ZNF143: variants seen among roughly 807,000 people sequenced by gnomAD.
The protein encoded by ZNF143 is zinc finger protein 143.
In ZNF143, 49 loss-of-function variants were observed where a neutral mutation model predicts 74.1. The observed-to-expected ratio is 0.66, with a 90% CI of 0.53 to 0.84. The LOEUF is 0.84. ZNF143 is among the 40% of genes least tolerant of loss of function. ZNF143 has a pLI of 0.00. For missense variants in ZNF143, 637 were observed against 793.4 expected, an observed-to-expected ratio of 0.80 and a Z score of 2.37; for synonymous variants, 304 against 282.8, an observed-to-expected ratio of 1.07 and a Z score of -0.75.
chr11:9,503,120 C>T lies in ZNF143; in HGVS notation c.1147+1850C>T, dbSNP rs1243866191. ...TGCTGGGATTACAGACATGAGCCAC[C>T]GCTCCTAGCCTGCATAATGTTTTTG... On this transcript the variant is annotated intron_variant, in intron 11 of 15. Transcript: ENST00000396602. 6.6e-5 allele frequency among the ~76,000 whole-genome samples: 10 copies of T among 152,236 alleles called. No individual in the cohort carries two copies. The East Asian group carries it at 1.4e-3, about 21-fold the overall frequency.
chr11:9,463,134 T>C (rs1019211634), intron 1 of ZNF143, among the ~76,000 whole-genome samples: 37 of 152,236 alleles, frequency 2.4e-4, no homozygotes, highest in African/African-American at 8.7e-4. Flanking sequence ...TATTGCCAAA[T>C]GATATTTCAT....
At chr11:9,495,018 G>C (rs895123976) in intron 8 of ZNF143, among the ~76,000 whole-genome samples, 2 of 152,072 alleles carry the variant, frequency 1.3e-5, no homozygotes, top group Non-Finnish European at 2.9e-5. Flanking sequence ...CACATGGTAG[G>C]TACTCTACAT....
At chr11:9,509,371 C>G (rs1848464532) in intron 12 of ZNF143, among the ~76,000 whole-genome samples, 1 of 152,166 alleles carries the variant, frequency 6.6e-6, no homozygotes, top group Non-Finnish European at 1.5e-5. Flanking sequence ...CCAAATAACT[C>G]TTCATTGATT....
At chr11:9,511,844 C>T (rs1305902308) in intron 12 of ZNF143, among the ~76,000 whole-genome samples, 3 of 150,186 alleles carry the variant, frequency 2.0e-5, no homozygotes, top group African/African-American at 7.4e-5. Context: ...CTCTGCCTCC[C>T]GGGTTCATGC....
At chr11:9,494,905 G>T in intron 8 of ZNF143, 140 bp downstream of exon 8, 1 of 896,808 alleles carries the variant, frequency 1.1e-6, no homozygotes. Flanking sequence ...CTCATACACA[G>T]ACATGTAAAA....
Position 9,486,428 on chromosome 11 carries a change from AT to A in ZNF143, c.645+6884del, listed in dbSNP as rs1565039345. Reference sequence around the variant, plus strand: ...TATATATATAATATATATTATATATATTATATATATAATATATTATATATAT... The same window carrying A: ...TATATATATAATATATATTATATATATATATATATAATATATTATATATAT... On this transcript the variant is annotated intron_variant, in intron 7 of 15. Coordinates refer to ENST00000396602, the MANE Select transcript of ZNF143 (RefSeq NM_003442.6). Among the ~76,000 whole-genome samples, 241 of 47,890 alleles carry A rather than the reference AT, an allele frequency of 5.0e-3. 4 individuals are homozygous for A. The highest frequency in any genetic ancestry group is 7.5e-3 in the Non-Finnish European group (183 of 24,446). The allele number at this position is 47,890 out of a possible 152,430, so 31.4% of individuals were successfully genotyped here.
chr11:9,479,545 A>G lies in ZNF143; in HGVS notation c.644A>G (p.Gln215Arg), dbSNP rs1462533034. The stretch of plus-strand genomic sequence containing the variant: ...GAAAATGAGCAAGAGAAAAAAATGC[A>G]GGTATGTAAAGCTACTTTTTAATAT... ...IGENEQEKKM[Q>R]IVLQGHATRV... The change falls in exon 7 of 16, where the codon CAG becomes CGG. Residue 215 changes from glutamine to arginine, a missense_variant and splice_region_variant. This residue lies in a region of ZNF143 where 293 missense variants were observed against 307.8 expected (regional missense o/e 0.95). Transcript: ENST00000396602. The G allele has an allele frequency of 1.2e-6, 2 of 1,611,216 alleles. No individual in the cohort carries two copies. The highest frequency in any genetic ancestry group is 1.7e-6 in the Non-Finnish European group (2 of 1,178,770).
intron 14 of ZNF143, among the ~76,000 whole-genome samples, chr11:9,523,201 C>T (rs891208104): frequency 2.6e-5 from 4 of 151,782 alleles, no homozygotes; most frequent in African/African-American, 9.7e-5. Flanking sequence ...CGTGTTGTGG[C>T]TGGGTTTTGT....
intron 1 of ZNF143, among the ~76,000 whole-genome samples, chr11:9,461,435 T>A (rs937187787): frequency 6.6e-5 from 10 of 152,136 alleles, no homozygotes; most frequent in African/African-American, 2.2e-4. Flanking sequence ...TTTCTCGGCC[T>A]GACCTCCGCG....
At position 9,508,604 on chromosome 11, in the gene ZNF143, G is replaced by T. The variant is rs1413176003; in HGVS notation, c.1148-15G>T. 6 of 1,596,202 alleles carry T rather than the reference G, an allele frequency of 3.8e-6. No individual in the cohort carries two copies. Among genetic ancestry groups the T allele is most frequent in the Admixed American group, 3.4e-5 (2 of 58,282 alleles). ...ATATGTAAAAGTTGAACTTTTTTTT[G>T]GTGTTGCTCTTTAGGAGAAAAGCCA... On this transcript the variant is annotated splice_polypyrimidine_tract_variant and intron_variant, in intron 11 of 15. Coordinates refer to ENST00000396602, the MANE Select transcript of ZNF143 (RefSeq NM_003442.6).
At chr11:9,488,564 C>T (rs1565041457) in intron 7 of ZNF143, among the ~76,000 whole-genome samples, 1 of 152,176 alleles carries the variant, frequency 6.6e-6, no homozygotes, top group Non-Finnish European at 1.5e-5. Context: ...CACCCCTAGA[C>T]AGCTTGCCCT....
chr11:9,527,456 A>G (rs1459409719), intron 15 of ZNF143, 74 bp from the exon 16 acceptor site: 3 of 1,395,852 alleles, frequency 2.1e-6, no homozygotes, highest in East Asian at 4.6e-5. Context: ...CTTCTGGCAT[A>G]TAACATTTCT....
intron 13 of ZNF143, among the ~76,000 whole-genome samples, chr11:9,514,319 T>C (rs1019177065): frequency 2.0e-5 from 3 of 152,234 alleles, no homozygotes; most frequent in African/African-American, 7.2e-5. Flanking sequence ...CCCAATGTTG[T>C]ACTTTCTCTA....
intron 11 of ZNF143, among the ~76,000 whole-genome samples, chr11:9,502,211 CAGGTGTG>C (rs1848189271): frequency 7.0e-6 from 1 of 142,750 alleles, no homozygotes; most frequent in Admixed American, 7.1e-5. Flanking sequence ...GCTGGGAATC[CAGGTGTG>C]AGCCACCGCG....
At chr11:9,485,293 C>A (rs1345119964) in intron 7 of ZNF143, among the ~76,000 whole-genome samples, 1 of 149,356 alleles carries the variant, frequency 6.7e-6, no homozygotes, top group Non-Finnish European at 1.5e-5. Flanking sequence ...GGATCTACTG[C>A]CTGATAGTAA....
intron 2 of ZNF143, 64 bp downstream of exon 2, chr11:9,471,484 T>G (rs2133859669): frequency 8.3e-7 from 1 of 1,199,816 alleles, no homozygotes; most frequent in South Asian, 1.6e-5. Flanking sequence ...AAAAAAAATT[T>G]ACAACTTCCT....
chr11:9,473,507 C>T (rs946830479), intron 3 of ZNF143, among the ~76,000 whole-genome samples: 1 of 152,102 alleles, frequency 6.6e-6, no homozygotes, highest in Non-Finnish European at 1.5e-5. Flanking sequence ...CTATGGAAAC[C>T]TACTGAGCAC....
At chr11:9,476,300 G>A (rs1033759297) in intron 5 of ZNF143, among the ~76,000 whole-genome samples, 9 of 152,004 alleles carry the variant, frequency 5.9e-5, no homozygotes, top group African/African-American at 1.9e-4. Flanking sequence ...ACTTAGAACC[G>A]TGCTTGTCTC....
intron 1 of ZNF143, among the ~76,000 whole-genome samples, chr11:9,466,987 G>A (rs1009114012): frequency 6.6e-6 from 1 of 151,516 alleles, no homozygotes; most frequent in African/African-American, 2.4e-5. Context: ...TCTGCCTCCC[G>A]GGTTCACGCC....
Sources: gnomAD v4.1 joint callset for allele counts (sites outside exome capture counted in the v4.1 genomes callset) on GRCh38, gnomAD v4.1.1 for gene constraint, gnomAD v4.1.1 regional missense constraint, MANE v1.5 for transcripts, NCBI Gene and HGNC (gene_info 2026-07-23, HGNC 2026-07-21) for gene names.